SMYD2: variants seen among roughly 807,000 people sequenced by gnomAD.
SMYD2 encodes N-lysine methyltransferase SMYD2.
In SMYD2, 53 loss-of-function variants were observed where a neutral mutation model predicts 59.1. That is an observed-to-expected ratio of 0.90 (90% CI 0.72 to 1.13). The LOEUF (loss-of-function observed/expected upper bound fraction) is 1.13. Among genes scored for constraint, SMYD2 ranks in the 50% most tolerant of loss-of-function variants. The pLI, the probability that SMYD2 is intolerant of heterozygous loss-of-function variation, is 0.00. For missense variants in SMYD2, 494 were observed against 544.7 expected (o/e 0.91, Z 0.93); for synonymous variants, 208 against 198.8 (o/e 1.05, Z -0.39).
intron 11 of SMYD2, among the ~76,000 whole-genome samples, chr1:214,335,180 CCTT>C (rs1310751266): frequency 1.3e-5 from 2 of 152,340 alleles, no homozygotes; most frequent in Non-Finnish European, 2.9e-5. Context: ...TAATCTTTCA[CCTT>C]CTCCAAAGTT....
In SMYD2 at chr1:214,307,081, G is replaced by A. The variant is rs192301919; in HGVS notation, c.237+1831G>A. ...CCAGCTACTCTGGAGGCTGAGGCTG[G>A]AGAATCTCTTGAACCTGGGAGGCGG... On this transcript the variant is annotated intron_variant, in intron 2 of 11. Transcript: ENST00000366957. Among the ~76,000 whole-genome samples, 827 of 152,384 alleles carry A rather than the reference G, an allele frequency of 5.4e-3. 5 individuals are homozygous for A. The highest frequency in any genetic ancestry group is 0.02 in the Middle Eastern group (6 of 294).
intron 1 of SMYD2, among the ~76,000 whole-genome samples, chr1:214,283,357 C>G (rs1051554711): frequency 1.1e-4 from 17 of 152,202 alleles, no homozygotes; most frequent in Admixed American, 1.0e-3. Flanking sequence ...ACCAGGGCTG[C>G]AACTTGCAAT....
intron 1 of SMYD2, among the ~76,000 whole-genome samples, chr1:214,287,798 T>C (rs1656575640): frequency 6.6e-6 from 1 of 152,110 alleles, no homozygotes; most frequent in African/African-American, 2.4e-5. Context: ...ACTTTAATAT[T>C]CTTTTAATAA....
intron 1 of SMYD2, among the ~76,000 whole-genome samples, chr1:214,302,411 A>G (rs1451109085): frequency 6.6e-6 from 1 of 152,068 alleles, no homozygotes; most frequent in Non-Finnish European, 1.5e-5. Flanking sequence ...ACTACCCTTC[A>G]GGAACCTTTA....
intron 1 of SMYD2, among the ~76,000 whole-genome samples, chr1:214,287,555 C>G (rs924656155): frequency 2.8e-5 from 4 of 144,064 alleles, no homozygotes; most frequent in African/African-American, 1.1e-4. Context: ...CCACTGTACT[C>G]CAGCCTGGGA....
chr1:214,281,259 G>A lies in SMYD2; in HGVS notation c.5G>A (p.Arg2Lys). ...CGGCCGCGCCCCGCCGCCACCATGAGGGCCGAGGGCCTCGGCGGCCTGGAG... is the reference window on the plus strand; with the variant it reads ...CGGCCGCGCCCCGCCGCCACCATGAAGGCCGAGGGCCTCGGCGGCCTGGAG... M[R>K]AEGLGGLERF... Residue 2 changes from arginine to lysine, a missense_variant, in exon 1 of 12, where the codon AGG becomes AAG. Coordinates refer to ENST00000366957, the MANE Select transcript of SMYD2 (RefSeq NM_020197.3). 1.6e-6 allele frequency: 2 copies of A among 1,251,106 alleles called. No individual in the cohort carries two copies. The highest frequency in any genetic ancestry group is 4.2e-5 in the Admixed American group (1 of 24,028). 77.5% of individuals were successfully genotyped at this position (1,251,106 alleles called of 1,614,324 possible).
chr1:214,320,171 A>G (rs1015802762), intron 5 of SMYD2, among the ~76,000 whole-genome samples: 4 of 152,254 alleles, frequency 2.6e-5, no homozygotes, highest in African/African-American at 7.2e-5. Context: ...ATGTGATGGA[A>G]GGTTACATAA....
intron 1 of SMYD2, among the ~76,000 whole-genome samples, chr1:214,301,988 C>A (rs1571923484): frequency 6.6e-6 from 1 of 152,146 alleles, no homozygotes; most frequent in Admixed American, 6.5e-5. Flanking sequence ...ATTACTGCGT[C>A]GTCAGGGACA....
intron 5 of SMYD2, among the ~76,000 whole-genome samples, chr1:214,322,357 G>T (rs1306637891): frequency 2.0e-5 from 3 of 152,132 alleles, no homozygotes; most frequent in Non-Finnish European, 4.4e-5. Flanking sequence ...ATTGGTTAAT[G>T]GTTGTTAGTC....
intron 1 of SMYD2, among the ~76,000 whole-genome samples, chr1:214,289,139 C>G (rs1656596610): frequency 6.6e-6 from 1 of 152,064 alleles, no homozygotes; most frequent in Non-Finnish European, 1.5e-5. Flanking sequence ...TTGAGAAGAT[C>G]CAGGGCTCAC....
intron 1 of SMYD2, among the ~76,000 whole-genome samples, chr1:214,288,678 T>A (rs538433297): frequency 1.2e-3 from 189 of 152,374 alleles, no homozygotes; most frequent in Non-Finnish European, 1.9e-3. Flanking sequence ...AGATCTATAT[T>A]TTATGCTGAT....
chr1:214,334,609 G>C (rs548444613), intron 11 of SMYD2, among the ~76,000 whole-genome samples: 1 of 152,246 alleles, frequency 6.6e-6, no homozygotes, highest in African/African-American at 2.4e-5. Context: ...TTGACCTTTG[G>C]GATTTTCAGA....
At chr1:214,314,563 A>C (rs1295646024) in intron 2 of SMYD2, among the ~76,000 whole-genome samples, 199 bp from the exon 3 acceptor site, 2 of 152,188 alleles carry the variant, frequency 1.3e-5, no homozygotes, top group African/African-American at 4.8e-5. Flanking sequence ...AGCTTGACCC[A>C]GGCCTGAGTG....
chr1:214,299,008 G>A (rs956285179), intron 1 of SMYD2, among the ~76,000 whole-genome samples: 11 of 152,072 alleles, frequency 7.2e-5, no homozygotes, highest in South Asian at 2.1e-4. Context: ...CAAATTAGCC[G>A]GACATGGTAG....
At chr1:214,301,557 A>G (rs986957016) in intron 1 of SMYD2, among the ~76,000 whole-genome samples, 5 of 128,194 alleles carry the variant, frequency 3.9e-5, no homozygotes. Context: ...GTCTCATCAG[A>G]TAAGTCTTCA....
intron 11 of SMYD2, among the ~76,000 whole-genome samples, chr1:214,336,205 T>C (rs1214875589): frequency 6.6e-6 from 1 of 152,110 alleles, no homozygotes; most frequent in Admixed American, 6.5e-5. Context: ...AGACACTGGA[T>C]GAGTTAGCTA....
chr1:214,286,157 T>C (rs1352545350), intron 1 of SMYD2, among the ~76,000 whole-genome samples: 1 of 152,294 alleles, frequency 6.6e-6, no homozygotes, highest in East Asian at 1.9e-4. Flanking sequence ...TTAACCTCTC[T>C]GAACTCCCAG....
intron 2 of SMYD2, among the ~76,000 whole-genome samples, chr1:214,308,005 A>G (rs1656941913): frequency 6.6e-6 from 1 of 152,152 alleles, no homozygotes; most frequent in African/African-American, 2.4e-5. Flanking sequence ...ACGGGATTCT[A>G]CTCTTGCAAG....
intron 11 of SMYD2, among the ~76,000 whole-genome samples, chr1:214,336,328 C>G (rs1006144649): frequency 5.5e-5 from 8 of 145,252 alleles, no homozygotes; most frequent in Non-Finnish European, 1.1e-4. Flanking sequence ...GTCAGGAGAT[C>G]GAGACCATCC....
Sources: gnomAD v4.1 joint callset for allele counts (sites outside exome capture counted in the v4.1 genomes callset) on GRCh38, gnomAD v4.1.1 for gene constraint, MANE v1.5 for transcripts, NCBI Gene and HGNC (gene_info 2026-07-23, HGNC 2026-07-21) for gene names.